The following RBM45 variants were observed in gnomAD, a reference collection of about 807,000 sequenced individuals.
RBM45 encodes RNA-binding protein 45.
Under a neutral mutation model 58.5 loss-of-function variants are expected in RBM45, and 39 were observed. The observed-to-expected ratio is 0.67, with a 90% confidence interval of 0.52 to 0.87. The LOEUF (loss-of-function observed/expected upper bound fraction) is 0.87, where lower values mean the gene tolerates loss of function less well. Ranked by LOEUF, RBM45 falls within the 40% of genes least tolerant of loss-of-function variation. The pLI is 0.00. For synonymous variants in RBM45, 193 were observed against 203.0 expected, an observed-to-expected ratio of 0.95 and a Z score of 0.42; for missense variants, 481 against 581.6, an observed-to-expected ratio of 0.83 and a Z score of 1.78.
At chr2:178,114,866 G>A (rs1344767521) in intron 1 of RBM45, among the ~76,000 whole-genome samples, 1 of 152,122 alleles carries the variant, frequency 6.6e-6, no homozygotes, top group Non-Finnish European at 1.5e-5. Context: ...CATTACAGTT[G>A]TGAGCCACCA....
chr2:178,117,415 A>G (rs564533475), intron 2 of RBM45, among the ~76,000 whole-genome samples: 2 of 152,302 alleles, frequency 1.3e-5, no homozygotes, highest in Non-Finnish European at 2.9e-5. Context: ...TATATTCCAT[A>G]TTTCTTTGAA....
At position 178,123,634 on chromosome 2, in the gene RBM45, T is replaced by C. The variant is rs1207360313; in HGVS notation, c.966T>C (p.Asp322=). The C allele has an allele frequency of 6.2e-7, 1 of 1,606,520 alleles. No individual in the cohort carries two copies. The highest frequency in any genetic ancestry group is 1.7e-5 in the Admixed American group (1 of 58,324). The change falls in exon 6 of 10, where the codon GAT becomes GAC. Residue 322 remains aspartate, a synonymous_variant. Transcript: ENST00000286070. ...GNRIGVSFID[D]GSNATDLLRK... ...GAATAGGTGTTTCCTTCATTGATGA[T>C]GGAAGTAATGCAACAGAGTAAGTAC...
At chr2:178,128,127 T>G (rs2087958599) in intron 9 of RBM45, among the ~76,000 whole-genome samples, 1 of 150,478 alleles carries the variant, frequency 6.6e-6, no homozygotes, top group African/African-American at 2.4e-5. Context: ...CAGCTCAGCC[T>G]TGCAAGTAGC....
At chr2:178,120,534 G>T in intron 4 of RBM45, 125 bp downstream of exon 4, 1 of 803,008 alleles carries the variant, frequency 1.2e-6, no homozygotes, top group Non-Finnish European at 1.8e-6. Context: ...CTTAAATGTA[G>T]TTTTTTTATT....
chr2:178,130,219 T>C (rs2087992412), downstream of RBM45, among the ~76,000 whole-genome samples: 1 of 152,100 alleles, frequency 6.6e-6, no homozygotes, highest in Non-Finnish European at 1.5e-5. Flanking sequence ...TATTTTGAAA[T>C]TAAAGATTAA....
intron 2 of RBM45, among the ~76,000 whole-genome samples, chr2:178,116,922 T>C (rs1048549644): frequency 6.6e-6 from 1 of 152,076 alleles, no homozygotes; most frequent in Non-Finnish European, 1.5e-5. Context: ...GTTTTTGTCC[T>C]AAAATTGGGC....
chr2:178,131,502 C>G (rs529756370), downstream of RBM45, among the ~76,000 whole-genome samples: 1 of 152,290 alleles, frequency 6.6e-6, no homozygotes, highest in South Asian at 2.1e-4. Flanking sequence ...TATACCTGGC[C>G]AGCCCTCCAC....
chr2:178,126,454 G>A (rs1171588911), intron 9 of RBM45, among the ~76,000 whole-genome samples: 3 of 151,874 alleles, frequency 2.0e-5, no homozygotes, highest in Non-Finnish European at 2.9e-5. Flanking sequence ...TTTTTATTAT[G>A]TGCTTATATA....
At chr2:178,120,949 GAA>G (rs1165537169) in intron 4 of RBM45, 19 of 347,916 alleles carry the variant, frequency 5.5e-5, no homozygotes, top group Non-Finnish European at 5.1e-6. Context: ...TTCTTTCTGT[GAA>G]ATTAGACTAT....
chr2:178,137,501 C>CA (rs1317589164), exon 4 of RBM45: 4 of 152,188 alleles, frequency 2.6e-5, no homozygotes, highest in African/African-American at 9.7e-5. Context: ...ATGCATATGA[C>CA]ACTCTATAGC....
In RBM45 at chr2:178,120,309, A is replaced by T. The variant is rs1204674977; in HGVS notation, c.573A>T (p.Glu191Asp). 6.2e-7 allele frequency: 1 copy of T among 1,613,008 alleles called. No individual in the cohort carries two copies. The highest frequency in any genetic ancestry group is 1.7e-4 in the Middle Eastern group (1 of 6,050). The change falls in exon 4 of 10, where the codon GAA (glutamate) becomes GAT (aspartate). Residue 191 changes from glutamate (E) to aspartate (D), a missense_variant. Coordinates refer to ENST00000286070, the MANE Select transcript of RBM45 (RefSeq NM_152945.4). ...CAGGTTTTAGAGCAATCTTGGCTGA[A>T]CCTAAAAATAAAGCATCTGAATCCT... ...CDRSFRAILA[E>D]PKNKASESSE...
chr2:178,133,674 A>T (rs2088022271), downstream of RBM45, among the ~76,000 whole-genome samples: 1 of 152,204 alleles, frequency 6.6e-6, no homozygotes, highest in Non-Finnish European at 1.5e-5. Context: ...TTGCCTTTTC[A>T]CCTAGAGGTA....
chr2:178,121,619 T>C (rs918924767), intron 5 of RBM45, among the ~76,000 whole-genome samples: 8 of 152,130 alleles, frequency 5.3e-5, no homozygotes, highest in Non-Finnish European at 1.0e-4. Context: ...CTGTAAAATA[T>C]ATTTTAACTC....
chr2:178,115,334 C>G (rs2087757261), intron 1 of RBM45, among the ~76,000 whole-genome samples: 1 of 152,100 alleles, frequency 6.6e-6, no homozygotes, highest in Non-Finnish European at 1.5e-5. Context: ...AATCTGTGCT[C>G]TGATGGCACT....
At chr2:178,116,160 A>AT in intron 1 of RBM45, 102 bp from the exon 2 acceptor site, 1 of 1,399,374 alleles carries the variant, frequency 7.1e-7, no homozygotes, top group South Asian at 1.5e-5. Flanking sequence ...TGTCTCAAAG[A>AT]TTAAAAAAAA....
In RBM45 at chr2:178,123,851, A is replaced by G. The variant is rs772679826; in HGVS notation, c.1007A>G (p.Gln336Arg). ...AGTCTCCTTAGAAAAATGGCAACACAGATGGTAGCTGCACAGCTTGCATCA... is the reference window on the plus strand; with the variant it reads ...AGTCTCCTTAGAAAAATGGCAACACGGATGGTAGCTGCACAGCTTGCATCA... ...ATDLLRKMAT[Q>R]MVAAQLASMV... Residue 336 changes from glutamine (Q) to arginine (R), a missense_variant, in exon 7 of 10, where the codon CAG becomes CGG. Gln to Arg is a conservative substitution (Grantham distance 43). Coordinates refer to ENST00000286070, the MANE Select transcript of RBM45 (RefSeq NM_152945.4). 6.2e-7 allele frequency: 1 copy of G among 1,614,014 alleles called. No individual in the cohort carries two copies. The highest frequency in any genetic ancestry group is 8.5e-7 in the Non-Finnish European group (1 of 1,179,950).
intron 7 of RBM45, 67 bp downstream of exon 7, chr2:178,123,979 C>G (rs2087892013): frequency 2.6e-6 from 4 of 1,523,858 alleles, no homozygotes; most frequent in Admixed American, 1.8e-5. Context: ...GAAGAGAAAT[C>G]ATGCTTTGTT....
rs201365118 is a variant in RBM45 at position 178,118,200 on chromosome 2, T to C, written c.550+19T>C. On this transcript the variant is annotated intron_variant, in intron 3 of 9. Coordinates refer to ENST00000286070, the MANE Select transcript of RBM45 (RefSeq NM_152945.4). ...GATCGAAGTAAGGATGTGTTTAACA[T>C]TGTTAAAAACTTTTGTAAAAAATTC... 6 of 1,577,722 alleles carry C rather than the reference T, an allele frequency of 3.8e-6. No homozygotes were observed. Among genetic ancestry groups the C allele is most frequent in the Non-Finnish European group, 5.2e-6 (6 of 1,163,552 alleles).
chr2:178,112,885 G>A, intron 1 of RBM45, 39 bp downstream of exon 1: 1 of 1,584,938 alleles, frequency 6.3e-7, no homozygotes, highest in South Asian at 1.1e-5. Context: ...GGGGGAAGGA[G>A]TGGGCCTCTT....
Sources: allele counts gnomAD v4.1 joint callset (sites outside exome capture counted in the v4.1 genomes callset), GRCh38; gene constraint gnomAD v4.1.1; transcripts MANE v1.5; gene names NCBI Gene and HGNC (gene_info 2026-07-23, HGNC 2026-07-21).